Variants in ENTPD1 observed in about 807,000 individuals in gnomAD.
ENTPD1 encodes the protein ectonucleoside triphosphate diphosphohydrolase 1.
Under a neutral mutation model 57.0 loss-of-function variants are expected in ENTPD1, and 33 were observed. The ratio of observed to expected loss-of-function variants is 0.58; its 90% CI spans 0.44 to 0.77. The LOEUF (loss-of-function observed/expected upper bound fraction) is 0.77, where lower values mean the gene tolerates loss of function less well. ENTPD1 is among the 30% of genes least tolerant of loss of function. The pLI, the probability that ENTPD1 is intolerant of heterozygous loss-of-function variation, is 0.00. For synonymous variants in ENTPD1, 202 were observed against 218.8 expected, an observed-to-expected ratio of 0.92 and a Z score of 0.68; for missense variants, 501 against 603.4, an observed-to-expected ratio of 0.83 and a Z score of 1.78.
Position 95,864,770 on chromosome 10 carries a change from A to G in ENTPD1, c.1235A>G (p.Tyr412Cys). 1 of 1,614,082 alleles carries G rather than the reference A, an allele frequency of 6.2e-7. No individual in the cohort carries two copies. The highest frequency in any genetic ancestry group is 8.5e-7 in the Non-Finnish European group (1 of 1,179,990). Residue 412 changes from tyrosine to cysteine, a missense_variant, in exon 9 of 10, where the codon TAC (tyrosine) becomes TGC (cysteine). Physicochemically the swap from Tyr to Cys is radical, Grantham distance 194 (BLOSUM62 -2). Coordinates refer to ENST00000371205, the MANE Select transcript of ENTPD1 (RefSeq NM_001776.6). ...AGVKEKYLSE[Y>C]CFSGTYILSL... ...GTAAAGGAGAAGTACCTGAGTGAAT[A>G]CTGCTTTTCTGGTACCTACATTCTC...
At chr10:95,841,913 C>G (rs554314950) in intron 3 of ENTPD1, among the ~76,000 whole-genome samples, 144 of 152,306 alleles carry the variant, frequency 9.5e-4, no homozygotes, top group African/African-American at 3.4e-3. Flanking sequence ...TTAGTGGCAG[C>G]TTCCATCTTT....
Position 95,873,485 on chromosome 10 carries a change from G to GT in ENTPD1, c.*7103dup, listed in dbSNP as rs1378408239. 1.0e-6 allele frequency: 1 copy of GT among 985,368 alleles called. No homozygotes were observed. The highest frequency in any genetic ancestry group is 1.2e-6 in the Non-Finnish European group (1 of 829,994). 61.0% of individuals were successfully genotyped at this position (985,368 alleles called of 1,614,324 possible). A position where few individuals can be genotyped will look rare whatever the true frequency, so the allele number is the denominator to read the frequency against. On this transcript the variant is annotated 3_prime_UTR_variant, in exon 10 of 10. Transcript: ENST00000371205. Reference sequence around the variant, plus strand: ...CAGCTCTCTTGCCCTGGTCTTCAGTGTATTAGATGTATTACCTCCATGCTC... The same window carrying GT: ...CAGCTCTCTTGCCCTGGTCTTCAGTGTTATTAGATGTATTACCTCCATGCTC...
At chr10:95,697,438 G>A in the ENTPD1 span, among the ~76,000 whole-genome samples, 1 of 152,164 alleles carries the variant, frequency 6.6e-6, no homozygotes. Context: ...AGGTTTGCGT[G>A]TCTCCTCCAA....
intron 7 of ENTPD1, among the ~76,000 whole-genome samples, chr10:95,848,078 T>C (rs1188328264): frequency 1.3e-5 from 2 of 152,156 alleles, no homozygotes; most frequent in African/African-American, 2.4e-5. Flanking sequence ...GAAAACTGAC[T>C]AGGGGGTTGT....
rs2098003923 is a variant in ENTPD1, at chr10:95,744,489, AGCCAG to A, written c.37+32499_37+32503del. 3.3e-5 allele frequency among the ~76,000 whole-genome samples: 5 copies of A among 152,082 alleles called. No homozygotes were observed. In the South Asian group the frequency reaches 1.0e-3, roughly 32 times the overall value. On this transcript the variant is annotated intron_variant, in intron 1 of 9. Transcript: ENST00000453258. Reference sequence around the variant, plus strand: ...CATCTCAACTAAAAATACAAAAATTAGCCAGGCTTGGTGGTGTGCTACTTGGGAGG... The same window carrying A: ...CATCTCAACTAAAAATACAAAAATTAGCTTGGTGGTGTGCTACTTGGGAGG...
At position 95,873,228 on chromosome 10, in the gene ENTPD1, A is replaced by C; in HGVS notation, c.*6845A>C. On this transcript the variant is annotated 3_prime_UTR_variant, in exon 10 of 10. Coordinates refer to ENST00000371205, the MANE Select transcript of ENTPD1 (RefSeq NM_001776.6). ...AAGAGTTTCTTTTACAGGCTCTCAG[A>C]TCAGTGTTCATCCACTACCTGACTA... The C allele has an allele frequency of 3.0e-6, 3 of 985,364 alleles. No homozygotes were observed. Among genetic ancestry groups the C allele is most frequent in the Non-Finnish European group, 2.4e-6 (2 of 829,912 alleles). 61.0% of individuals were successfully genotyped at this position (985,364 alleles called of 1,614,324 possible). A position where few individuals can be genotyped will look rare whatever the true frequency, so the allele number is the denominator to read the frequency against.
Position 95,844,571 on chromosome 10 carries a change from C to A in ENTPD1, c.509C>A (p.Thr170Asn), listed in dbSNP as rs770003209. 1.9e-6 allele frequency: 3 copies of A among 1,614,120 alleles called. No homozygotes were observed. The highest frequency in any genetic ancestry group is 1.1e-5 in the South Asian group (1 of 91,084). The change falls in exon 5 of 10, where the codon ACT (threonine) becomes AAT (asparagine). Residue 170 changes from threonine (T) to asparagine (N), a missense_variant. By Grantham distance (65) the Thr-to-Asn change is moderately conservative. Transcript: ENST00000371205. ...GACTTCCAGGGTGCCAGGATCATTA[C>A]TGGCCAAGAGGAAGGTGCCTATGGC... ...PFDFQGARII[T>N]GQEEGAYGWI...
intron 1 of ENTPD1, chr10:95,712,106 T>A: frequency 6.7e-7 from 1 of 1,501,758 alleles, no homozygotes; most frequent in Admixed American, 1.9e-5. Context: ...CCTTGATTAA[T>A]GAGAAAAAAG....
At chr10:95,777,875 C>T (rs574883418) in intron 1 of ENTPD1, among the ~76,000 whole-genome samples, 505 of 152,286 alleles carry the variant, frequency 3.3e-3, no homozygotes, top group Non-Finnish European at 5.8e-3. Context: ...GATGCCCCTC[C>T]GCCTGCCTCG....
intron 1 of ENTPD1, among the ~76,000 whole-genome samples, chr10:95,778,673 T>TG (rs2098143710): frequency 2.6e-5 from 4 of 152,206 alleles, no homozygotes; most frequent in Admixed American, 2.6e-4. Context: ...AAATCTTGTT[T>TG]TTATTTTCTG....
chr10:95,704,905 TA>T, the ENTPD1 span, among the ~76,000 whole-genome samples: 1 of 151,656 alleles, frequency 6.6e-6, no homozygotes, highest in African/African-American at 2.4e-5. Context: ...CATACACACA[TA>T]TAAAAAGAAG....
At chr10:95,715,921 G>A (rs1460823695) in intron 1 of ENTPD1, among the ~76,000 whole-genome samples, 1 of 152,152 alleles carries the variant, frequency 6.6e-6, no homozygotes, top group African/African-American at 2.4e-5. Flanking sequence ...CTGAAGTGCA[G>A]TGGTGTGATC....
intron 7 of ENTPD1, among the ~76,000 whole-genome samples, chr10:95,851,509 C>T (rs2098445073): frequency 6.6e-6 from 1 of 151,752 alleles, no homozygotes; most frequent in Non-Finnish European, 1.5e-5. Context: ...ATACATACGC[C>T]ATGTTGGTGT....
intron 1 of ENTPD1, among the ~76,000 whole-genome samples, chr10:95,735,677 C>A (rs2097993921): frequency 6.6e-6 from 1 of 152,096 alleles, no homozygotes; most frequent in Non-Finnish European, 1.5e-5. Flanking sequence ...CTCACTGCAA[C>A]CTCCACCTCC....
rs764439773 is a variant in ENTPD1, at chr10:95,802,421, AT to A, written c.17-20806del. ...TTCAGGGTAATTAGCATATCCATGA[AT>A]TTTTTTTTTCTGTTTTGAATGATTT... On this transcript the variant is annotated intron_variant, in intron 1 of 9. Coordinates refer to ENST00000371205, the MANE Select transcript of ENTPD1 (RefSeq NM_001776.6). Among the ~76,000 whole-genome samples the A allele has an allele frequency of 1.8e-3, 276 of 150,018 alleles. 2 individuals carry two copies. The highest frequency in any genetic ancestry group is 5.8e-3 in the African/African-American group (239 of 40,890).
chr10:95,773,977 A>G (rs891943978), intron 1 of ENTPD1, among the ~76,000 whole-genome samples: 1 of 152,146 alleles, frequency 6.6e-6, no homozygotes, highest in Non-Finnish European at 1.5e-5. Flanking sequence ...CTATTTCTCC[A>G]CATCCTCTCC....
At chr10:95,807,002 G>A (rs541826557) in intron 1 of ENTPD1, among the ~76,000 whole-genome samples, 1 of 152,322 alleles carries the variant, frequency 6.6e-6, no homozygotes, top group East Asian at 1.9e-4. Flanking sequence ...TCCGTTTTCA[G>A]AGCTCAAACA....
upstream of ENTPD1, among the ~76,000 whole-genome samples, chr10:95,711,066 T>C (rs1297421851): frequency 6.6e-6 from 1 of 151,678 alleles, no homozygotes; most frequent in African/African-American, 2.4e-5. Flanking sequence ...GGCCTCTCAT[T>C]CTCCCCCGAG....
At chr10:95,709,480 T>G (rs28685666), upstream of ENTPD1, among the ~76,000 whole-genome samples, 2 of 151,994 alleles carry the variant, frequency 1.3e-5, no homozygotes, top group African/African-American at 2.4e-5. Context: ...ACCTCCCGGG[T>G]TCAAGCGATT....
Sources: allele counts gnomAD v4.1 joint callset (sites outside exome capture counted in the v4.1 genomes callset), GRCh38; gene constraint gnomAD v4.1.1; transcripts MANE v1.5; gene names NCBI Gene and HGNC (gene_info 2026-07-23, HGNC 2026-07-21).